Variants in SERPINB12 observed in about 807,000 individuals in gnomAD.
The protein encoded by SERPINB12 is serpin family B member 12.
A neutral mutation model predicts 41.1 loss-of-function variants in SERPINB12; 57 were observed. The ratio of observed to expected loss-of-function variants is 1.39; its 90% CI spans 1.12 to 1.73. The LOEUF (loss-of-function observed/expected upper bound fraction) is 1.73, where lower values mean the gene tolerates loss of function less well. Among genes scored for constraint, SERPINB12 ranks in the 40% most tolerant of loss-of-function variants. The pLI, the probability that SERPINB12 is intolerant of heterozygous loss-of-function variation, is 0.00. For missense variants in SERPINB12, 536 were observed against 501.9 expected (o/e 1.07, Z -0.65); for synonymous variants, 180 against 181.3 (o/e 0.99, Z 0.06).
chr18:63,527,105 A>G, the SERPINB12 span, among the ~76,000 whole-genome samples: 1 of 152,200 alleles, frequency 6.6e-6, no homozygotes, highest in Non-Finnish European at 1.5e-5. Flanking sequence ...GTATATGACT[A>G]TAGTTAGAAT....
chr18:63,534,331 A>G, the SERPINB12 span, among the ~76,000 whole-genome samples: 1 of 152,136 alleles, frequency 6.6e-6, no homozygotes, highest in African/African-American at 2.4e-5. Flanking sequence ...ACACCTAACA[A>G]TTATCTGTGG....
chr18:63,539,571 TC>T (rs1910235020), upstream of SERPINB12, among the ~76,000 whole-genome samples: 1 of 151,980 alleles, frequency 6.6e-6, no homozygotes, highest in South Asian at 2.1e-4. Flanking sequence ...TTACCTCCAC[TC>T]ATCAGGTGCC....
chr18:63,528,733 A>C, the SERPINB12 span, among the ~76,000 whole-genome samples: 1 of 152,190 alleles, frequency 6.6e-6, no homozygotes, highest in Non-Finnish European at 1.5e-5. Context: ...ACCGGAAAAA[A>C]ATGAGGTCCT....
the SERPINB12 span, among the ~76,000 whole-genome samples, chr18:63,529,877 A>G: frequency 5.9e-5 from 9 of 152,146 alleles, no homozygotes; most frequent in African/African-American, 1.9e-4. Context: ...ACTCTTATTA[A>G]TCATCTTACT....
At chr18:63,528,726 G>A in the SERPINB12 span, among the ~76,000 whole-genome samples, 14 of 152,076 alleles carry the variant, frequency 9.2e-5, no homozygotes, top group East Asian at 1.2e-3. Context: ...TGAATTCACC[G>A]GAAAAAAATG....
the SERPINB12 span, among the ~76,000 whole-genome samples, chr18:63,526,776 T>TGTTGTAACATTTTTACAACAC: frequency 6.6e-6 from 1 of 152,220 alleles, no homozygotes; most frequent in Non-Finnish European, 1.5e-5. Context: ...TACAGTCACG[T>TGTTGTAACATTTTTACAACAC]GTTGTTTAAT....
chr18:63,547,995 A>G (rs60202422), intron 1 of SERPINB12, among the ~76,000 whole-genome samples: 1 of 152,164 alleles, frequency 6.6e-6, no homozygotes, highest in Non-Finnish European at 1.5e-5. Context: ...GGGTACAAGG[A>G]TGAATTAAAA....
chr18:63,525,246 G>A, the SERPINB12 span, among the ~76,000 whole-genome samples: 3 of 151,746 alleles, frequency 2.0e-5, no homozygotes, highest in African/African-American at 7.3e-5. Flanking sequence ...CATTTTCTAT[G>A]CCTTTCTTAT....
At chr18:63,563,405 A>G (rs1910979013) in intron 5 of SERPINB12, among the ~76,000 whole-genome samples, 1 of 152,168 alleles carries the variant, frequency 6.6e-6, no homozygotes, top group Admixed American at 6.6e-5. Context: ...CAAGTTCCAA[A>G]CACAAGCAAT....
the SERPINB12 span, among the ~76,000 whole-genome samples, chr18:63,531,129 C>T: frequency 5.3e-5 from 8 of 152,066 alleles, no homozygotes; most frequent in Non-Finnish European, 1.0e-4. Flanking sequence ...TTGCCAAACC[C>T]CAGATGCTCA....
In SERPINB12 at chr18:63,558,484, C is replaced by T. The variant is rs1910757390; in HGVS notation, c.301C>T (p.Gln101Ter). The T allele has an allele frequency of 1.2e-6, 2 of 1,609,260 alleles. No individual in the cohort carries two copies. The highest frequency in any genetic ancestry group is 1.7e-6 in the Non-Finnish European group (2 of 1,178,694). The change falls in exon 3 of 8, where the codon CAG (glutamine) becomes TAG (stop). Residue 101 changes from glutamine (Q) to a stop codon, truncating the protein, a stop_gained and splice_region_variant. Coordinates refer to ENST00000382768, the MANE Select transcript of SERPINB12 (RefSeq NM_001307928.2). LOFTEE classifies it high-confidence loss of function. ...QKKTTEPLDQ[Q>*]AGSLNNESGL... ...AAAAACGACAGAGCCTCTGGATCAG[C>T]AGGTGAACCGCCACCGTAGAAAACT...
chr18:63,559,200 G>T (rs1019385876), intron 3 of SERPINB12, among the ~76,000 whole-genome samples: 2 of 151,732 alleles, frequency 1.3e-5, no homozygotes, highest in African/African-American at 4.8e-5. Flanking sequence ...CGCCTCCTGG[G>T]TTCAAGCAAT....
chr18:63,563,626 G>A (rs1253317416), intron 5 of SERPINB12, among the ~76,000 whole-genome samples: 1 of 152,208 alleles, frequency 6.6e-6, no homozygotes, highest in Non-Finnish European at 1.5e-5. Context: ...GCCAGGCACG[G>A]TGGCTCATGC....
upstream of SERPINB12, among the ~76,000 whole-genome samples, chr18:63,537,404 G>A (rs1247683298): frequency 6.6e-6 from 1 of 152,194 alleles, no homozygotes; most frequent in Non-Finnish European, 1.5e-5. Flanking sequence ...GTAAAGGAAA[G>A]AATGTATTCA....
At chr18:63,561,307 C>A in intron 5 of SERPINB12, 105 bp downstream of exon 5, 2 of 674,522 alleles carry the variant, frequency 3.0e-6, no homozygotes, top group East Asian at 2.6e-5. Context: ...CAGAGGTTCA[C>A]ATATGTGGAC....
intron 3 of SERPINB12, among the ~76,000 whole-genome samples, chr18:63,559,060 C>CTTTCTT (rs1404721073): frequency 4.5e-5 from 4 of 88,952 alleles, no homozygotes; most frequent in Non-Finnish European, 4.2e-5. Flanking sequence ...CTTTCTTTCT[C>CTTTCTT]TCCTTCTTCT....
chr18:63,553,637 T>C (rs1199409369), intron 1 of SERPINB12, among the ~76,000 whole-genome samples: 1 of 152,180 alleles, frequency 6.6e-6, no homozygotes, highest in Non-Finnish European at 1.5e-5. Context: ...TACCTTCTCC[T>C]CCTTCGAGCT....
At chr18:63,540,823 C>A (rs1260767221), upstream of SERPINB12, among the ~76,000 whole-genome samples, 3 of 152,016 alleles carry the variant, frequency 2.0e-5, no homozygotes, top group Non-Finnish European at 2.9e-5. Flanking sequence ...CATAGTCACT[C>A]AAATAATTCT....
chr18:63,556,290 T>C lies in SERPINB12; in HGVS notation c.131T>C (p.Leu44Ser), dbSNP rs758310800. 1 of 1,614,058 alleles carries C rather than the reference T, an allele frequency of 6.2e-7. No homozygotes were observed. The highest frequency in any genetic ancestry group is 1.1e-5 in the South Asian group (1 of 91,062). Residue 44 changes from leucine (L) to serine (S), a missense_variant, in exon 2 of 8, where the codon TTG becomes TCG. Physicochemically the swap from Leu to Ser is moderately radical, Grantham distance 145 (BLOSUM62 -2). Coordinates refer to ENST00000382768, the MANE Select transcript of SERPINB12 (RefSeq NM_001307928.2). ...TCAGCTGCCCTTGGTATGGTACGCTTGGGTGCTAGAAGTGACAGTGCACAT... is the reference window on the plus strand; with the variant it reads ...TCAGCTGCCCTTGGTATGGTACGCTCGGGTGCTAGAAGTGACAGTGCACAT... ...SLSAALGMVR[L>S]GARSDSAHQI...
Sources: allele counts gnomAD v4.1 joint callset (sites outside exome capture counted in the v4.1 genomes callset), GRCh38; gene constraint gnomAD v4.1.1; transcripts MANE v1.5; gene names NCBI Gene and HGNC (gene_info 2026-07-23, HGNC 2026-07-21).